GSTM2: variants seen among roughly 807,000 people sequenced by gnomAD.
GSTM2 encodes GST class-mu 2.
A neutral mutation model predicts 33.3 loss-of-function variants in GSTM2; 33 were observed. That is an observed-to-expected ratio of 0.99 (90% CI 0.75 to 1.33). The LOEUF is 1.33. Among genes scored for constraint, GSTM2 ranks in the 40% most tolerant of loss-of-function variants. The pLI, the probability that GSTM2 is intolerant of heterozygous loss-of-function variation, is 0.00. For synonymous variants in GSTM2, 93 were observed against 95.6 expected (o/e 0.97, Z 0.16); for missense variants, 213 against 265.8 (o/e 0.80, Z 1.38).
downstream of GSTM2, among the ~76,000 whole-genome samples, chr1:109,677,860 CATT>C (rs1557960826): frequency 6.6e-6 from 1 of 152,186 alleles, no homozygotes; most frequent in East Asian, 1.9e-4. Context: ...AAAGCATGCA[CATT>C]ATTTGTGTGC....
chr1:109,669,199 C>T, intron 3 of GSTM2, 91 bp from the exon 4 acceptor site: 4 of 1,451,772 alleles, frequency 2.8e-6, no homozygotes, highest in Non-Finnish European at 3.9e-6. Context: ...CATGAGCAGG[C>T]CCTGGTCTCC....
intron 7 of GSTM2, among the ~76,000 whole-genome samples, chr1:109,674,370 C>T (rs1647645733): frequency 6.6e-6 from 1 of 152,054 alleles, no homozygotes. Context: ...ATTCCCCTTA[C>T]TAGGTATTTA....
chr1:109,669,307 T>C lies in GSTM2; in HGVS notation c.195T>C (p.Asp65=), dbSNP rs1175547011. The C allele has an allele frequency of 2.5e-6, 4 of 1,614,042 alleles. No homozygotes were observed. Among genetic ancestry groups the C allele is most frequent in the African/African-American group, 1.3e-5 (1 of 74,908 alleles). Residue 65 remains aspartate, a synonymous_variant, in exon 4 of 8, where the codon GAT becomes GAC. Coordinates refer to ENST00000241337, the MANE Select transcript of GSTM2 (RefSeq NM_000848.4). ...LDFPNLPYLI[D]GTHKITQSNA... ...CTATCCAGCTGCCCTACTTGATTGA[T>C]GGGACTCACAAGATCACCCAGAGCA...
intron 7 of GSTM2, among the ~76,000 whole-genome samples, chr1:109,682,587 T>A (rs1416457352): frequency 7.8e-6 from 1 of 127,542 alleles, no homozygotes; most frequent in African/African-American, 2.5e-5. Flanking sequence ...AAAGTTTCAA[T>A]ATTTCTCTTA....
Position 109,669,567 on chromosome 1 carries a change from A to G in GSTM2, c.356A>G (p.Asp119Gly). 1 of 1,591,320 alleles carries G rather than the reference A, an allele frequency of 6.3e-7. No homozygotes were observed. The highest frequency in any genetic ancestry group is 8.6e-7 in the Non-Finnish European group (1 of 1,160,378). ...CTGGCCAAACTCTGCTATGACCCAG[A>G]TTTTGTAAGTCCCCCCACCCCACTC... ...MQLAKLCYDP[D>G]FEKLKPEYLQ... The change falls in exon 5 of 8, where the codon GAT (aspartate) becomes GGT (glycine). Residue 119 changes from aspartate to glycine, a missense_variant. Physicochemically the swap from Asp to Gly is moderately conservative, Grantham distance 94 (BLOSUM62 -1). Transcript: ENST00000241337.
At chr1:109,682,810 G>A (rs182902643) in intron 7 of GSTM2, among the ~76,000 whole-genome samples, 39,574 of 118,552 alleles carry the variant, frequency 0.33, 9,103 homozygotes, top group South Asian at 0.36. Context: ...GATTTCCTAA[G>A]TTTACCCAAA....
intron 5 of GSTM2, among the ~76,000 whole-genome samples, chr1:109,670,456 A>G (rs1647497686): frequency 6.6e-6 from 1 of 152,072 alleles, no homozygotes; most frequent in Admixed American, 6.5e-5. Context: ...TATTTCCTAT[A>G]CTGCCACCAG....
intron 4 of GSTM2, 29 bp downstream of exon 4, chr1:109,669,400 G>A: frequency 6.2e-7 from 1 of 1,614,066 alleles, no homozygotes; most frequent in Non-Finnish European, 8.5e-7. Context: ...AAGATGCGGG[G>A]AGGGACCGTG....
chr1:109,671,632 C>A, intron 7 of GSTM2, 49 bp downstream of exon 7: 1 of 1,034,010 alleles, frequency 9.7e-7, no homozygotes, highest in Non-Finnish European at 1.5e-6. Flanking sequence ...TCCTTTCCCT[C>A]CTTTGTGATG....
rs775558709 is a variant in GSTM2, at chr1:109,668,433, T to C, written c.45T>C (p.His15=). Residue 15 remains histidine (H), a synonymous_variant, in exon 2 of 8, where the codon CAT becomes CAC. Transcript: ENST00000241337. ...TGGGCCATCTCTCCCAGCTGGCCCA[T>C]TCCATCCGCCTGCTCCTGGAATACA... The part of the protein sequence containing the change: ...LGYWNIRGLA[H]SIRLLLEYTD... The C allele has an allele frequency of 6.8e-6, 11 of 1,613,938 alleles. No homozygotes were observed. The highest frequency in any genetic ancestry group is 2.2e-5 in the East Asian group (1 of 44,882).
intron 7 of GSTM2, among the ~76,000 whole-genome samples, chr1:109,672,892 C>T (rs183560590): frequency 2.2e-4 from 30 of 136,432 alleles, no homozygotes; most frequent in Admixed American, 9.4e-4. Flanking sequence ...TTTTTTGAGA[C>T]GGAGTCTTGC....
At chr1:109,679,335 G>A (rs539107787), downstream of GSTM2, among the ~76,000 whole-genome samples, 68 of 152,204 alleles carry the variant, frequency 4.5e-4, no homozygotes, top group African/African-American at 1.3e-3. Context: ...GCCGGGCATG[G>A]TGGTGGGCAC....
Position 109,668,712 on chromosome 1 carries a change from C to A in GSTM2, c.112+212C>A. 1.6e-5 allele frequency: 13 copies of A among 788,982 alleles called. No homozygotes were observed. In the South Asian group the frequency reaches 2.2e-4, roughly 13 times the overall value. 48.9% of individuals were successfully genotyped at this position (788,982 alleles called of 1,614,324 possible). ...CTGGGTAATTATGATGGGTGTCCCT[C>A]AGGGCTTGCCTAAACCCTGGAAGCC... On this transcript the variant is annotated intron_variant, in intron 2 of 7. Coordinates refer to ENST00000241337, the MANE Select transcript of GSTM2 (RefSeq NM_000848.4).
At chr1:109,676,809 C>T (rs71657116), downstream of GSTM2, among the ~76,000 whole-genome samples, 1 of 152,300 alleles carries the variant, frequency 6.6e-6, no homozygotes, top group African/African-American at 2.4e-5. Context: ...TCTGCATTGC[C>T]TCTTGTTGAA....
chr1:109,682,523 T>C (rs1647879058), intron 7 of GSTM2, among the ~76,000 whole-genome samples: 2 of 112,660 alleles, frequency 1.8e-5, no homozygotes, highest in African/African-American at 5.4e-5. Context: ...TACAGGCGTG[T>C]AGTTACCTAA....
Position 109,668,074 on chromosome 1 carries a change from C to T in GSTM2, c.-42C>T. 6.2e-7 allele frequency: 1 copy of T among 1,608,944 alleles called. No individual in the cohort carries two copies. The highest frequency in any genetic ancestry group is 1.7e-5 in the Admixed American group (1 of 60,012). On this transcript the variant is annotated 5_prime_UTR_variant, in exon 1 of 8. Coordinates refer to ENST00000241337, the MANE Select transcript of GSTM2 (RefSeq NM_000848.4). Reference sequence around the variant, plus strand: ...GGCCTCTCACAAACGCTGAGCCCCGCCCCGCTGAGGCCTGTCTGCAGAATC... The same window carrying T: ...GGCCTCTCACAAACGCTGAGCCCCGTCCCGCTGAGGCCTGTCTGCAGAATC...
downstream of GSTM2, among the ~76,000 whole-genome samples, chr1:109,676,203 C>T (rs1172485821): frequency 6.6e-6 from 1 of 152,172 alleles, no homozygotes; most frequent in Non-Finnish European, 1.5e-5. Flanking sequence ...TGGGTGGGGA[C>T]ACAGCCAAAC....
At chr1:109,670,736 C>T (rs1412712608) in intron 5 of GSTM2, 1 of 152,952 alleles carries the variant, frequency 6.5e-6, no homozygotes, top group Non-Finnish European at 1.5e-5. Flanking sequence ...ATTTTGGTGT[C>T]TTCCGAGTGC....
Position 109,671,384 on chromosome 1 carries a change from T to A in GSTM2, c.456+2T>A. ...CAGCCATGGTTTCTTGGGGACAAGG[T>A]AATGGGGGCGTGTGATGGGGACACC... On this transcript the variant is annotated splice_donor_variant, in intron 6 of 7. Coordinates refer to ENST00000241337, the MANE Select transcript of GSTM2 (RefSeq NM_000848.4). LOFTEE classifies it high-confidence loss of function. 1 of 1,610,110 alleles carries A rather than the reference T, an allele frequency of 6.2e-7. No homozygotes were observed. Among genetic ancestry groups the A allele is most frequent in the Non-Finnish European group, 8.5e-7 (1 of 1,176,300 alleles).
Sources: gnomAD v4.1 joint callset for allele counts (sites outside exome capture counted in the v4.1 genomes callset) on GRCh38, gnomAD v4.1.1 for gene constraint, MANE v1.5 for transcripts, NCBI Gene and HGNC (gene_info 2026-07-23, HGNC 2026-07-21) for gene names.